KPNA1: variants seen among roughly 807,000 people sequenced by gnomAD.
The protein encoded by KPNA1 is importin subunit alpha-5.
KPNA1 carries 10 observed loss-of-function variants against 70.5 expected under a neutral mutation model. That is an observed-to-expected ratio of 0.14 (90% confidence interval 0.09 to 0.24). The LOEUF (loss-of-function observed/expected upper bound fraction) is 0.24, where lower values mean the gene tolerates loss of function less well. Among genes scored for constraint, KPNA1 ranks in the 10% least tolerant of loss-of-function variants. The pLI is 1.00. For missense variants in KPNA1, 397 were observed against 637.9 expected (o/e 0.62, Z 4.07); for synonymous variants, 192 against 221.9 (o/e 0.87, Z 1.20).
At chr3:122,488,372 A>G (rs1410091234) in intron 2 of KPNA1, among the ~76,000 whole-genome samples, 4 of 151,822 alleles carry the variant, frequency 2.6e-5, no homozygotes, top group Non-Finnish European at 5.9e-5. Flanking sequence ...AAATTTTTTA[A>G]TCAGCCAGAT....
chr3:122,474,287 T>C (rs750475368), intron 2 of KPNA1, among the ~76,000 whole-genome samples: 13 of 152,152 alleles, frequency 8.5e-5, no homozygotes, highest in Non-Finnish European at 1.3e-4. Flanking sequence ...ACTAGACCTA[T>C]AGATTCAATG....
At chr3:122,445,254 G>A (rs1361418546) in intron 9 of KPNA1, among the ~76,000 whole-genome samples, 3 of 152,142 alleles carry the variant, frequency 2.0e-5, no homozygotes, top group East Asian at 1.9e-4. Flanking sequence ...ACTTCGTGAC[G>A]TATGCACAAG....
chr3:122,460,382 A>G (rs1424145203), intron 5 of KPNA1: 22 of 935,084 alleles, frequency 2.4e-5, no homozygotes, highest in Non-Finnish European at 2.8e-5. Flanking sequence ...TCACACCTGT[A>G]ATCCCAGCAC....
intron 1 of KPNA1, among the ~76,000 whole-genome samples, chr3:122,498,248 T>C (rs2076786146): frequency 6.6e-6 from 1 of 152,214 alleles, no homozygotes; most frequent in Non-Finnish European, 1.5e-5. Flanking sequence ...GTGAAGCCTT[T>C]GAGAGATGAT....
rs112225791 is a variant in KPNA1, at chr3:122,509,247, CA to C, written c.-6+5509del. Among the ~76,000 whole-genome samples the C allele has an allele frequency of 4.1e-3, 504 of 121,910 alleles. 4 individuals carry two copies. Among genetic ancestry groups the C allele is most frequent in the East Asian group, 0.032 (148 of 4,594 alleles). The allele number at this position is 121,910 out of a possible 152,430, so 80.0% of individuals were successfully genotyped here. A position where few individuals can be genotyped will look rare whatever the true frequency, so the allele number is the denominator to read the frequency against. On this transcript the variant is annotated intron_variant, in intron 1 of 13. Transcript: ENST00000344337. ...CAACTGAACAAGACTCTCTATCAAACAAAAAAAAAAAAAAGAAAGATAAAAC... is the reference window on the plus strand; with the variant it reads ...CAACTGAACAAGACTCTCTATCAAACAAAAAAAAAAAAAGAAAGATAAAAC...
At chr3:122,476,030 G>A (rs1237334013) in intron 2 of KPNA1, among the ~76,000 whole-genome samples, 1 of 152,096 alleles carries the variant, frequency 6.6e-6, no homozygotes, top group African/African-American at 2.4e-5. Context: ...TTATTCAAGG[G>A]TCAACTGTAT....
At position 122,426,940 on chromosome 3, in the gene KPNA1, T is replaced by TAA. The variant is rs773782135; in HGVS notation, c.*44_*45insTT. 1.3e-6 allele frequency: 2 copies of TAA among 1,526,026 alleles called. No homozygotes were observed. The highest frequency in any genetic ancestry group is 1.8e-6 in the Non-Finnish European group (2 of 1,105,658). The allele number at this position is 1,526,026 out of a possible 1,614,324, so 94.5% of individuals were successfully genotyped here. A position where few individuals can be genotyped will look rare whatever the true frequency, so the allele number is the denominator to read the frequency against. On this transcript the variant is annotated 3_prime_UTR_variant, in exon 14 of 14. Coordinates refer to ENST00000344337, the MANE Select transcript of KPNA1 (RefSeq NM_002264.4). ...TGTGGGCTCCACAAGAGGACTCGAC[T>TAA]GGGTAGCCTGGTCTGACACAGGTAC...
At position 122,459,050 on chromosome 3, in the gene KPNA1, G is replaced by C. The variant is rs73190122; in HGVS notation, c.432+2174C>G. ...AGCCTAATTATTAGTTTGCACAAGG[G>C]TGGAATCTGGGAGTTTACATAGAAG... On this transcript the variant is annotated intron_variant, in intron 5 of 13. Coordinates refer to ENST00000344337, the MANE Select transcript of KPNA1 (RefSeq NM_002264.4). Among the ~76,000 whole-genome samples, 295 of 152,142 alleles carry C rather than the reference G, an allele frequency of 1.9e-3. 6 individuals carry two copies. The East Asian group carries it at 0.042, about 22-fold the overall frequency.
chr3:122,426,908 T>C lies in KPNA1; in HGVS notation c.*77A>G. Reference sequence around the variant, plus strand: ...GAAAACATTTGAGAAGTTAGCTCCATGAGGACTGTGGGCTCCACAAGAGGA... The same window carrying C: ...GAAAACATTTGAGAAGTTAGCTCCACGAGGACTGTGGGCTCCACAAGAGGA... On this transcript the variant is annotated 3_prime_UTR_variant, in exon 14 of 14. Coordinates refer to ENST00000344337, the MANE Select transcript of KPNA1 (RefSeq NM_002264.4). 2 of 1,160,696 alleles carry C rather than the reference T, an allele frequency of 1.7e-6. No homozygotes were observed. Among genetic ancestry groups the C allele is most frequent in the Non-Finnish European group, 2.5e-6 (2 of 797,906 alleles). The allele number at this position is 1,160,696 out of a possible 1,614,324, so 71.9% of individuals were successfully genotyped here.
rs2075817232 is a variant in KPNA1, at chr3:122,425,892, T to A, written c.*1093A>T. On this transcript the variant is annotated 3_prime_UTR_variant, in exon 14 of 14. Transcript: ENST00000344337. The stretch of plus-strand genomic sequence containing the variant: ...GGAATCGTGTGCAGCATGAAAAGAT[T>A]AGAATCGAGCTGCACCTAAGAAAAA... The A allele has an allele frequency of 6.6e-6, 1 of 152,546 alleles. No individual in the cohort carries two copies. The highest frequency in any genetic ancestry group is 1.5e-5 in the Non-Finnish European group (1 of 68,014). The allele number at this position is 152,546 out of a possible 1,614,324, so 9.4% of individuals were successfully genotyped here.
chr3:122,427,200 T>C (rs1456989941), intron 13 of KPNA1, 28 bp from the exon 14 acceptor site: 3 of 1,521,686 alleles, frequency 2.0e-6, no homozygotes, highest in Non-Finnish European at 2.7e-6. Context: ...GGAAAATCTT[T>C]ATTGAAAACT....
chr3:122,481,552 G>C (rs1323351512), intron 2 of KPNA1, among the ~76,000 whole-genome samples: 1 of 152,158 alleles, frequency 6.6e-6, no homozygotes, highest in Non-Finnish European at 1.5e-5. Flanking sequence ...ACTGCTAATG[G>C]GCATAAGGGG....
In KPNA1 at chr3:122,473,179, C is replaced by T. The variant is rs184105374; in HGVS notation, c.130-5750G>A. 2.0e-4 allele frequency among the ~76,000 whole-genome samples: 31 copies of T among 152,144 alleles called. No homozygotes were observed. In the East Asian group the frequency reaches 6.0e-3, roughly 29 times the overall value. ...CACTTCCCTGAAAGCCACAAACTAC[C>T]AAAACTCACACAAGAAACAATCTGA... On this transcript the variant is annotated intron_variant, in intron 2 of 13. Transcript: ENST00000344337.
chr3:122,459,873 C>T (rs2076304053), intron 5 of KPNA1: 3 of 985,404 alleles, frequency 3.0e-6, no homozygotes, highest in Non-Finnish European at 3.6e-6. Context: ...GGAGAGAAAA[C>T]ATCAAGGCAA....
At chr3:122,481,881 G>A (rs1004520406) in intron 2 of KPNA1, among the ~76,000 whole-genome samples, 5 of 152,146 alleles carry the variant, frequency 3.3e-5, no homozygotes, top group Non-Finnish European at 5.9e-5. Flanking sequence ...AGGAACAGAA[G>A]AGAACTTCCT....
intron 2 of KPNA1, chr3:122,482,937 C>G (rs2076588128): frequency 6.6e-6 from 1 of 152,312 alleles, no homozygotes; most frequent in Non-Finnish European, 1.5e-5. Context: ...AGCTAGGCAG[C>G]CTAGCTTCAC....
rs1422613727 is a variant in KPNA1, at chr3:122,424,581, A to G, written c.*2404T>C. Reference sequence around the variant, plus strand: ...ACAAAATAGATCACGTCAGTTAAATAGACTTTGTTTTAATTCACTCACTGA... The same window carrying G: ...ACAAAATAGATCACGTCAGTTAAATGGACTTTGTTTTAATTCACTCACTGA... On this transcript the variant is annotated 3_prime_UTR_variant, in exon 14 of 14. Coordinates refer to ENST00000344337, the MANE Select transcript of KPNA1 (RefSeq NM_002264.4). The G allele has an allele frequency of 6.5e-6, 1 of 152,692 alleles. No individual in the cohort carries two copies. The highest frequency in any genetic ancestry group is 2.4e-5 in the African/African-American group (1 of 41,472). The allele number at this position is 152,692 out of a possible 1,614,324, so 9.5% of individuals were successfully genotyped here.
intron 3 of KPNA1, chr3:122,464,318 T>C (rs2076357662): frequency 1.4e-5 from 4 of 293,844 alleles, no homozygotes; most frequent in East Asian, 5.6e-5. Context: ...GCTCATCACA[T>C]AGCTGGCTAT....
intron 1 of KPNA1, among the ~76,000 whole-genome samples, chr3:122,501,245 T>C (rs917205120): frequency 6.6e-6 from 1 of 151,934 alleles, no homozygotes; most frequent in Non-Finnish European, 1.5e-5. Flanking sequence ...GCCAGGCTGG[T>C]CAACTCCTGA....
Sources: allele counts gnomAD v4.1 joint callset (sites outside exome capture counted in the v4.1 genomes callset), GRCh38; gene constraint gnomAD v4.1.1; transcripts MANE v1.5; gene names NCBI Gene and HGNC (gene_info 2026-07-23, HGNC 2026-07-21).